The following ZNF142 variants were observed in gnomAD, a reference collection of about 807,000 sequenced individuals.
The protein encoded by ZNF142 is zinc finger protein 142.
In ZNF142, 96 loss-of-function variants were observed where a neutral mutation model predicts 132.1. That is an observed-to-expected ratio of 0.73 (90% confidence interval 0.62 to 0.86). The LOEUF is 0.86. ZNF142 is among the 40% of genes least tolerant of loss of function. The pLI is 0.00. For synonymous variants in ZNF142, 842 were observed against 890.1 expected (o/e 0.95, Z 0.96); for missense variants, 2,163 against 2,336.2 (o/e 0.93, Z 1.53).
At position 218,644,613 on chromosome 2, in the gene ZNF142, C is replaced by A; in HGVS notation, c.2503G>T (p.Ala835Ser). ...PDSEPSNQLSARPEGPGHEPG... is the reference protein window; with the variant it reads ...PDSEPSNQLSSRPEGPGHEPG... ...TCGTGACCTGGCCCCTCAGGTCGGG[C>A]TGACAGCTGGTTTGAGGGCTCTGAA... The change falls in exon 9 of 11, where the codon GCC becomes TCC. Residue 835 changes from alanine to serine, a missense_variant. By Grantham distance (99) the Ala-to-Ser change is moderately conservative (BLOSUM62 1). Around this residue, in one of 7 missense-constraint regions of ZNF142, gnomAD observed 749 missense variants for 830.3 expected, o/e 0.90. Transcript: ENST00000411696. The surrounding 1 kb of genome is among the most constrained non-coding windows in gnomAD (Gnocchi z 4.6). 5 of 1,614,200 alleles carry A rather than the reference C, an allele frequency of 3.1e-6. No homozygotes were observed. The highest frequency in any genetic ancestry group is 4.2e-6 in the Non-Finnish European group (5 of 1,180,032).
rs1225365326 is a variant in ZNF142 at position 218,652,193 on chromosome 2, G to C, written c.388C>G (p.Pro130Ala). 2.2e-6 allele frequency: 1 copy of C among 456,448 alleles called. No homozygotes were observed. The highest frequency in any genetic ancestry group is 4.4e-6 in the Non-Finnish European group (1 of 226,902). The allele number at this position is 456,448 out of a possible 1,614,324, so 28.3% of individuals were successfully genotyped here. The change falls in exon 5 of 11, where the codon CCT (proline) becomes GCT (alanine). Residue 130 changes from proline (P) to alanine (A), a missense_variant. Coordinates refer to ENST00000411696, the MANE Select transcript of ZNF142 (RefSeq NM_001379659.1). Reference sequence around the variant, plus strand: ...GGGGGGCTAGAGAGGCCCTGCACAGGCTGTATATGGGTCTCACTGCACTGG... The same window carrying C: ...GGGGGGCTAGAGAGGCCCTGCACAGCCTGTATATGGGTCTCACTGCACTGG... Reference protein sequence around the residue: ...LHQCSETHIQPVQGLSSPPCS... With the variant: ...LHQCSETHIQAVQGLSSPPCS...
At position 218,656,218 on chromosome 2, in the gene ZNF142, C is replaced by T. The variant is rs200765742; in HGVS notation, c.212G>A (p.Gly71Glu). Residue 71 changes from glycine to glutamate, a missense_variant, in exon 4 of 11, where the codon GGG becomes GAG. This residue lies in a region of ZNF142 where 195 missense variants were observed against 172.4 expected (regional missense o/e 1.13). Transcript: ENST00000411696. ...VEATATEEGP[G>E]NMEIIVETVA... ...TGTCTCCACAATGATCTCCATGTTCCCTGGTCCCTCTTCAGTTGCTGTGGC... is the reference window on the plus strand; with the variant it reads ...TGTCTCCACAATGATCTCCATGTTCTCTGGTCCCTCTTCAGTTGCTGTGGC... 1.7e-4 allele frequency: 267 copies of T among 1,612,950 alleles called. No homozygotes were observed. Among genetic ancestry groups the T allele is most frequent in the Non-Finnish European group, 2.2e-4 (257 of 1,179,480 alleles).
At chr2:218,648,523 A>G (rs1937644307) in intron 7 of ZNF142, 112 bp downstream of exon 7, 1 of 1,021,576 alleles carries the variant, frequency 9.8e-7, no homozygotes, top group Admixed American at 2.5e-5. Context: ...GGAATGCTAG[A>G]TCTATCTCTA....
rs1575043078 is a variant in ZNF142, at chr2:218,634,387, T to C, written c.*3952A>G. The stretch of plus-strand genomic sequence containing the variant: ...ACCGTGCACCCAGTACCTATCTTCT[T>C]AACTCCCTGAAAGAGGGGCTGGAAG... On this transcript the variant is annotated 3_prime_UTR_variant, in exon 11 of 11. Transcript: ENST00000411696. The surrounding 1 kb of genome is among the most constrained non-coding windows in gnomAD (Gnocchi z 4.0). 1 of 1,577,004 alleles carries C rather than the reference T, an allele frequency of 6.3e-7. No individual in the cohort carries two copies. The highest frequency in any genetic ancestry group is 8.6e-7 in the Non-Finnish European group (1 of 1,160,216).
intron 10 of ZNF142, among the ~76,000 whole-genome samples, chr2:218,640,381 T>C (rs1050045368): frequency 6.6e-6 from 1 of 152,098 alleles, no homozygotes; most frequent in Non-Finnish European, 1.5e-5. Context: ...CAAGTTTGAG[T>C]TGGGGGTTCT....
chr2:218,636,966 A>T lies in ZNF142; in HGVS notation c.*1373T>A. On this transcript the variant is annotated 3_prime_UTR_variant, in exon 11 of 11. Transcript: ENST00000411696. ...GGCTTGGAATAGAGAAACCTAAAGA[A>T]GCATCATCCCCTCCATCCCCAACTT... The T allele has an allele frequency of 2.2e-6, 1 of 455,940 alleles. No individual in the cohort carries two copies. Among genetic ancestry groups the T allele is most frequent in the South Asian group, 1.6e-5 (1 of 64,152 alleles). 28.2% of individuals were successfully genotyped at this position (455,940 alleles called of 1,614,324 possible).
chr2:218,644,435 G>C lies in ZNF142; in HGVS notation c.2681C>G (p.Thr894Arg). 1 of 1,614,076 alleles carries C rather than the reference G, an allele frequency of 6.2e-7. No individual in the cohort carries two copies. Among genetic ancestry groups the C allele is most frequent in the Non-Finnish European group, 8.5e-7 (1 of 1,180,002 alleles). ...TACTCCCAGGGCCTCTAGGTGTAGTGTGCAGCTGCCCTCCTCCACCTCTGC... is the reference window on the plus strand; with the variant it reads ...TACTCCCAGGGCCTCTAGGTGTAGTCTGCAGCTGCCCTCCTCCACCTCTGC... ...SPAEVEEGSC[T>R]LHLEALGVEL... Residue 894 changes from threonine (T) to arginine (R), a missense_variant, in exon 9 of 11, where the codon ACA (threonine) becomes AGA (arginine). Physicochemically the swap from Thr to Arg is moderately conservative, Grantham distance 71. This residue lies in a region of ZNF142 where 749 missense variants were observed against 830.3 expected (regional missense o/e 0.90). Coordinates refer to ENST00000411696, the MANE Select transcript of ZNF142 (RefSeq NM_001379659.1). This position sits in a 1 kb window ranked among gnomAD's most constrained non-coding sequence, Gnocchi z 4.6.
At chr2:218,654,798 G>T (rs1156638429) in intron 4 of ZNF142, among the ~76,000 whole-genome samples, 1 of 150,554 alleles carries the variant, frequency 6.6e-6, no homozygotes, top group East Asian at 2.0e-4. Context: ...AAAAAAAAAG[G>T]TTTCTGCTGG....
rs774472493 is a variant in ZNF142 at position 218,638,131 on chromosome 2, A to G, written c.*208T>C. The G allele has an allele frequency of 7.0e-6, 3 of 426,768 alleles. No homozygotes were observed. The highest frequency in any genetic ancestry group is 1.2e-5 in the Non-Finnish European group (3 of 252,082). 26.4% of individuals were successfully genotyped at this position (426,768 alleles called of 1,614,324 possible). On this transcript the variant is annotated 3_prime_UTR_variant, in exon 11 of 11. Transcript: ENST00000411696. ...CAGGTTAAAAACGCAATGTACAGCA[A>G]TAAGAAATCAACGTTATAGTCCATG...
chr2:218,651,516 G>C (rs1937993019), intron 5 of ZNF142, among the ~76,000 whole-genome samples, 185 bp downstream of exon 5: 1 of 152,230 alleles, frequency 6.6e-6, no homozygotes, highest in South Asian at 2.1e-4. Context: ...CTTCCTCTTT[G>C]TCCCATATAT....
rs1449461978 is a variant in ZNF142, at chr2:218,648,903, G to A, written c.1605C>T (p.Ala535=). 1.2e-6 allele frequency: 2 copies of A among 1,614,090 alleles called. No homozygotes were observed. The highest frequency in any genetic ancestry group is 8.5e-7 in the Non-Finnish European group (1 of 1,180,046). ...GGAAGGCGTAGTGACTCTTGTGGTGGGCCTCCATGGCTTCGGCTGTGGCAA... is the reference window on the plus strand; with the variant it reads ...GGAAGGCGTAGTGACTCTTGTGGTGAGCCTCCATGGCTTCGGCTGTGGCAA... ...MLFATAEAME[A]HHKSHYAFHC... The change falls in exon 7 of 11, where the codon GCC becomes GCT. Residue 535 remains alanine, a synonymous_variant. Coordinates refer to ENST00000411696, the MANE Select transcript of ZNF142 (RefSeq NM_001379659.1).
At position 218,648,913 on chromosome 2, in the gene ZNF142, G is replaced by C; in HGVS notation, c.1595C>G (p.Ala532Gly). 1 of 1,613,910 alleles carries C rather than the reference G, an allele frequency of 6.2e-7. No homozygotes were observed. Among genetic ancestry groups the C allele is most frequent in the Non-Finnish European group, 8.5e-7 (1 of 1,180,044 alleles). Residue 532 changes from alanine to glycine, a missense_variant, in exon 7 of 11, where the codon GCC (alanine) becomes GGC (glycine). By Grantham distance (60) the Ala-to-Gly change is moderately conservative (BLOSUM62 0). Coordinates refer to ENST00000411696, the MANE Select transcript of ZNF142 (RefSeq NM_001379659.1). ...GTGACTCTTGTGGTGGGCCTCCATG[G>C]CTTCGGCTGTGGCAAAGAGCATGGG... ...SCPMLFATAE[A>G]MEAHHKSHYA...
chr2:218,640,183 G>A (rs973322807), intron 10 of ZNF142, among the ~76,000 whole-genome samples: 2 of 151,902 alleles, frequency 1.3e-5, no homozygotes, highest in Admixed American at 1.3e-4. Flanking sequence ...CTCCACATAG[G>A]GGGATCAGAT....
At position 218,644,855 on chromosome 2, in the gene ZNF142, C is replaced by T. The variant is rs755631212; in HGVS notation, c.2261G>A (p.Arg754His). The part of the protein sequence containing the change: ...YPCHYCSYQS[R>H]HKQAVLSHEN... ...ATGGCTCAGCACAGCCTGCTTGTGGCGGCTCTGGTAACTGCAGTAGTGGCA... is the reference window on the plus strand; with the variant it reads ...ATGGCTCAGCACAGCCTGCTTGTGGTGGCTCTGGTAACTGCAGTAGTGGCA... The change falls in exon 9 of 11, where the codon CGC (arginine) becomes CAC (histidine). Residue 754 changes from arginine (R) to histidine (H), a missense_variant. Physicochemically the swap from Arg to His is conservative, Grantham distance 29 (BLOSUM62 0). Around this residue, in one of 7 missense-constraint regions of ZNF142, gnomAD observed 749 missense variants for 830.3 expected, o/e 0.90. Coordinates refer to ENST00000411696, the MANE Select transcript of ZNF142 (RefSeq NM_001379659.1). This position sits in a 1 kb window ranked among gnomAD's most constrained non-coding sequence, Gnocchi z 4.6. 24 of 1,614,182 alleles carry T rather than the reference C, an allele frequency of 1.5e-5. No individual in the cohort carries two copies. Among genetic ancestry groups the T allele is most frequent in the East Asian group, 1.3e-4 (6 of 44,886 alleles).
At position 218,642,575 on chromosome 2, in the gene ZNF142, T is replaced by C. The variant is rs1258419871; in HGVS notation, c.4541A>G (p.Gln1514Arg). ...HALRRHPEPA[Q>R]PAPGSPAETT... The stretch of plus-strand genomic sequence containing the variant: ...CTCTGCAGGAGAGCCAGGGGCAGGC[T>C]GTGCAGGCTCGGGGTGTCGGCGCAG... Residue 1514 changes from glutamine (Q) to arginine (R), a missense_variant, in exon 9 of 11, where the codon CAG (glutamine) becomes CGG (arginine). By Grantham distance (43) the Gln-to-Arg change is conservative (BLOSUM62 1). Coordinates refer to ENST00000411696, the MANE Select transcript of ZNF142 (RefSeq NM_001379659.1). This position sits in a 1 kb window ranked among gnomAD's most constrained non-coding sequence, Gnocchi z 4.6. 6.2e-7 allele frequency: 1 copy of C among 1,613,458 alleles called. No homozygotes were observed. The highest frequency in any genetic ancestry group is 8.5e-7 in the Non-Finnish European group (1 of 1,179,790).
rs768047269 is a variant in ZNF142, at chr2:218,636,174, A to G, written c.*2165T>C. 2.0e-5 allele frequency: 30 copies of G among 1,531,534 alleles called. No homozygotes were observed. The highest frequency in any genetic ancestry group is 3.4e-4 in the Middle Eastern group (2 of 5,852). The allele number at this position is 1,531,534 out of a possible 1,614,324, so 94.9% of individuals were successfully genotyped here. ...ATTGCCATCTAGATTAAATGAGAAC[A>G]CAAGAAAAGCAACCCAGTCAAGAAA... On this transcript the variant is annotated 3_prime_UTR_variant, in exon 11 of 11. Coordinates refer to ENST00000411696, the MANE Select transcript of ZNF142 (RefSeq NM_001379659.1).
rs1697367341 is a variant in ZNF142 at position 218,642,971 on chromosome 2, T to C, written c.4145A>G (p.Gln1382Arg). 7.4e-6 allele frequency: 12 copies of C among 1,613,350 alleles called. No individual in the cohort carries two copies. The highest frequency in any genetic ancestry group is 1.0e-5 in the Non-Finnish European group (12 of 1,179,766). ...CCGGTGCTGCTGCATGCAACGGCTC[T>C]GTTTACAGGTGAAGCCACAGTCCCC... ...QCGDCGFTCK[Q>R]SRCMQQHRRL... The change falls in exon 9 of 11, where the codon CAG becomes CGG. Residue 1382 changes from glutamine to arginine, a missense_variant. By Grantham distance (43) the Gln-to-Arg change is conservative. Coordinates refer to ENST00000411696, the MANE Select transcript of ZNF142 (RefSeq NM_001379659.1). This position sits in a 1 kb window ranked among gnomAD's most constrained non-coding sequence, Gnocchi z 4.6.
chr2:218,633,387 T>C lies in ZNF142; in HGVS notation c.*4952A>G. 1.4e-6 allele frequency: 1 copy of C among 707,914 alleles called. No individual in the cohort carries two copies. The highest frequency in any genetic ancestry group is 2.6e-6 in the Non-Finnish European group (1 of 388,924). 43.9% of individuals were successfully genotyped at this position (707,914 alleles called of 1,614,324 possible). On this transcript the variant is annotated 3_prime_UTR_variant, in exon 11 of 11. Transcript: ENST00000411696. ...CTTTATTCCCATTCCCACCCCCAGG[T>C]TGTGACGTGCCCGCTGTTTTGTCCG...
chr2:218,650,078 T>C (rs1295518249), intron 6 of ZNF142, among the ~76,000 whole-genome samples: 1 of 152,232 alleles, frequency 6.6e-6, no homozygotes, highest in Non-Finnish European at 1.5e-5. Context: ...GGCATCTCTA[T>C]ATGATGAAGA....
Sources: allele counts gnomAD v4.1 joint callset (sites outside exome capture counted in the v4.1 genomes callset), GRCh38; gene constraint gnomAD v4.1.1; regional missense constraint gnomAD v4.1.1; non-coding constraint Gnocchi (gnomAD v3.1); transcripts MANE v1.5; gene names NCBI Gene and HGNC (gene_info 2026-07-23, HGNC 2026-07-21).